The following DIAPH2 variants were observed in gnomAD, a reference collection of about 807,000 sequenced individuals.
DIAPH2 encodes protein diaphanous homolog 2.
A neutral mutation model predicts 92.7 loss-of-function variants in DIAPH2; 35 were observed. The observed-to-expected ratio is 0.38, with a 90% confidence interval of 0.29 to 0.50. DIAPH2 has a LOEUF of 0.50. DIAPH2 is among the 20% of genes least tolerant of loss of function. The pLI, the probability that DIAPH2 is intolerant of heterozygous loss-of-function variation, is 0.94. For missense variants in DIAPH2, 701 were observed against 819.5 expected (o/e 0.86, Z 1.77); for synonymous variants, 301 against 280.4 (o/e 1.07, Z -0.73).
intron 15 of DIAPH2, among the ~76,000 whole-genome samples, chrX:96,956,176 A>G (rs1325139569): frequency 8.9e-6 from 1 of 112,889 alleles, no homozygotes; most frequent in African/African-American, 3.2e-5. Flanking sequence ...TGCAGGCTCA[A>G]CACCGCTTGG....
intron 21 of DIAPH2, among the ~76,000 whole-genome samples, chrX:97,130,963 C>T (rs1464183933): frequency 9.1e-6 from 1 of 109,877 alleles, no homozygotes. Context: ...AAAATTAGCA[C>T]GGTATGGTCG....
intron 4 of DIAPH2, among the ~76,000 whole-genome samples, chrX:96,840,372 G>A (rs182213181): frequency 3.6e-5 from 4 of 111,800 alleles, no homozygotes; most frequent in East Asian, 5.7e-4. Context: ...GCTGTCTTCT[G>A]TAGTTTTGGA....
chrX:96,808,332 C>G (rs892924062), intron 4 of DIAPH2, among the ~76,000 whole-genome samples: 4 of 110,836 alleles, frequency 3.6e-5, no homozygotes, highest in African/African-American at 1.3e-4. Flanking sequence ...GCACCAGTAC[C>G]CATTATATAT....
At chrX:97,425,714 G>C (rs1180457178) in intron 25 of DIAPH2, among the ~76,000 whole-genome samples, 8 of 107,696 alleles carry the variant, frequency 7.4e-5, no homozygotes, top group Non-Finnish European at 1.2e-4. Flanking sequence ...TTGGGAGGTG[G>C]AGGTTGCAGT....
chrX:97,192,631 T>G lies in DIAPH2; in HGVS notation c.2719+50837T>G, dbSNP rs997134881. 4.5e-5 allele frequency among the ~76,000 whole-genome samples: 5 copies of G among 112,201 alleles called. No individual in the cohort carries two copies. In the Admixed American group the frequency reaches 4.8e-4, roughly 11 times the overall value. The stretch of plus-strand genomic sequence containing the variant: ...AGTATAAAGAACTACTCCTTTATTC[T>G]GAGATTATTTCTTTTACATATTTTT... On this transcript the variant is annotated intron_variant, in intron 22 of 26. Transcript: ENST00000324765.
intron 22 of DIAPH2, among the ~76,000 whole-genome samples, chrX:97,192,279 G>A (rs1210889685): frequency 1.2e-5 from 1 of 86,778 alleles, no homozygotes; most frequent in Non-Finnish European, 2.1e-5. Flanking sequence ...GGGCAAGAGA[G>A]TGAGACTCCG....
chrX:97,544,234 T>C (rs970233701), intron 26 of DIAPH2, among the ~76,000 whole-genome samples: 1 of 111,970 alleles, frequency 8.9e-6, no homozygotes, highest in Non-Finnish European at 1.9e-5. Context: ...GTAAGGCTTA[T>C]TTAAATTGCA....
chrX:97,489,699 A>AT (rs1385075834), intron 26 of DIAPH2, among the ~76,000 whole-genome samples: 17 of 111,192 alleles, frequency 1.5e-4, no homozygotes, highest in African/African-American at 5.2e-4. Context: ...TGATTGTGTG[A>AT]TTTTTATCCT....
At chrX:97,511,639 G>A (rs1009685916) in intron 26 of DIAPH2, among the ~76,000 whole-genome samples, 1 of 109,966 alleles carries the variant, frequency 9.1e-6, no homozygotes, top group African/African-American at 3.3e-5. Context: ...GATATTGGCT[G>A]TGGGTTTGTC....
intron 26 of DIAPH2, among the ~76,000 whole-genome samples, chrX:97,530,727 A>AT (rs2071054137): frequency 9.3e-6 from 1 of 107,498 alleles, no homozygotes. Flanking sequence ...AATTAGCATG[A>AT]TTTTTTAAAT....
intron 23 of DIAPH2, among the ~76,000 whole-genome samples, chrX:97,293,452 C>T (rs1314716582): frequency 1.8e-5 from 2 of 109,605 alleles, no homozygotes; most frequent in Non-Finnish European, 3.8e-5. Flanking sequence ...GGGGTTTCAC[C>T]ATGTTGGCCA....
At chrX:96,993,251 T>C (rs2066083597) in intron 17 of DIAPH2, among the ~76,000 whole-genome samples, 1 of 111,744 alleles carries the variant, frequency 8.9e-6, no homozygotes, top group South Asian at 3.8e-4. Context: ...CCTTAGGCCC[T>C]CTTGGCAGCT....
At chrX:96,726,832 A>G (rs1419578922) in intron 1 of DIAPH2, among the ~76,000 whole-genome samples, 2 of 112,323 alleles carry the variant, frequency 1.8e-5, no homozygotes, top group East Asian at 5.6e-4. Flanking sequence ...GAGGATTTAA[A>G]CAAGGCAATG....
chrX:96,744,938 CA>C (rs948085976), intron 3 of DIAPH2, among the ~76,000 whole-genome samples: 2 of 108,944 alleles, frequency 1.8e-5, no homozygotes, highest in African/African-American at 6.7e-5. Flanking sequence ...TAGAGAACTA[CA>C]AAGGTTTAGA....
At chrX:96,873,125 C>T (rs1475147489) in intron 4 of DIAPH2, among the ~76,000 whole-genome samples, 1 of 111,551 alleles carries the variant, frequency 9.0e-6, no homozygotes, top group African/African-American at 3.3e-5. Flanking sequence ...GCCATTTTAA[C>T]TGGGGTGAGA....
chrX:97,519,564 G>A (rs1325001661), intron 26 of DIAPH2, among the ~76,000 whole-genome samples: 2 of 111,611 alleles, frequency 1.8e-5, no homozygotes, highest in Admixed American at 9.5e-5. Flanking sequence ...GTATACCTAA[G>A]AAGATGAAGT....
intron 26 of DIAPH2, among the ~76,000 whole-genome samples, chrX:97,493,774 T>C (rs2070739876): frequency 9.2e-6 from 1 of 108,568 alleles, no homozygotes; most frequent in Admixed American, 9.9e-5. Flanking sequence ...TAATCCCAGC[T>C]ACTGGGGAGG....
intron 4 of DIAPH2, among the ~76,000 whole-genome samples, chrX:96,869,840 A>G (rs1297910958): frequency 9.0e-6 from 1 of 110,977 alleles, no homozygotes; most frequent in African/African-American, 3.3e-5. Context: ...TTTCACCCTT[A>G]TGACAAGCCT....
chrX:97,476,984 T>TACACACACACAC lies in DIAPH2; in HGVS notation c.3241+47269_3241+47280dup, dbSNP rs1190615516. On this transcript the variant is annotated intron_variant, in intron 26 of 26. Coordinates refer to ENST00000324765, the MANE Select transcript of DIAPH2 (RefSeq NM_006729.5). ...AAAAAAAAAAATATATATATATATA[T>TACACACACACAC]ACACACACACACACACACACACACA... is the stretch of plus-strand genomic sequence containing the variant. Among the ~76,000 whole-genome samples the TACACACACACAC allele has an allele frequency of 1.1e-4, 6 of 57,071 alleles. 1 individual carries two copies. Among genetic ancestry groups the TACACACACACAC allele is most frequent in the African/African-American group, 1.7e-4 (2 of 11,664 alleles). 49.6% of individuals were successfully genotyped at this position (57,071 alleles called of 115,157 possible).
Sources: allele counts gnomAD v4.1 joint callset (sites outside exome capture counted in the v4.1 genomes callset), GRCh38; gene constraint gnomAD v4.1.1; transcripts MANE v1.5; gene names NCBI Gene and HGNC (gene_info 2026-07-23, HGNC 2026-07-21).